The following FAM20C variants were observed in gnomAD, a reference collection of about 807,000 sequenced individuals.
The protein encoded by FAM20C is extracellular serine/threonine protein kinase FAM20C.
In FAM20C, 40 loss-of-function variants were observed where a neutral mutation model predicts 51.5. The observed-to-expected ratio is 0.78, with a 90% CI of 0.60 to 1.01. FAM20C has a LOEUF of 1.01. Ranked by LOEUF, FAM20C falls within the 50% of genes least tolerant of loss-of-function variation. The probability of loss-of-function intolerance (pLI) is 0.00; values close to 1 mark genes in which losing one functional copy is unlikely to be tolerated. For synonymous variants in FAM20C, 406 were observed against 380.6 expected, an observed-to-expected ratio of 1.07 and a Z score of -0.78; for missense variants, 861 against 844.7, an observed-to-expected ratio of 1.02 and a Z score of -0.24.
intron 8 of FAM20C, among the ~76,000 whole-genome samples, chr7:258,107 CG>C (rs1276869656): frequency 3.5e-5 from 4 of 115,320 alleles, no homozygotes; most frequent in Non-Finnish European, 3.7e-5. Flanking sequence ...ACCCACTGCC[CG>C]GGGTGTTGGA....
At chr7:249,338 G>A (rs1478066127) in intron 5 of FAM20C, among the ~76,000 whole-genome samples, 1 of 152,264 alleles carries the variant, frequency 6.6e-6, no homozygotes, top group African/African-American at 2.4e-5. Context: ...AGGAATAGAT[G>A]TCTTTGTTGG....
At chr7:229,247 T>C (rs1468687566) in intron 3 of FAM20C, 1 of 236,342 alleles carries the variant, frequency 4.2e-6, no homozygotes, top group African/African-American at 2.2e-5. Context: ...CAGCCCCCTT[T>C]TCTGTGAGGA....
chr7:201,418 T>C (rs1472738683), intron 2 of FAM20C, among the ~76,000 whole-genome samples: 1 of 152,188 alleles, frequency 6.6e-6, no homozygotes, highest in Non-Finnish European at 1.5e-5. Flanking sequence ...AAAGGGTTCC[T>C]GCTCCCACGA....
intron 3 of FAM20C, among the ~76,000 whole-genome samples, chr7:244,080 G>C (rs1430170697): frequency 1.3e-5 from 2 of 151,930 alleles, no homozygotes; most frequent in Admixed American, 6.6e-5. Context: ...GATCACAGGT[G>C]TGTGCCACCA....
intron 2 of FAM20C, among the ~76,000 whole-genome samples, chr7:199,756 T>G (rs1786044132): frequency 6.6e-6 from 1 of 152,214 alleles, no homozygotes. Context: ...TCTTGGGATA[T>G]TATCTACCTC....
Position 193,290 on chromosome 7 carries a change from C to T in FAM20C, c.91C>T (p.Pro31Ser), listed in dbSNP as rs1297675158. 8 of 1,427,136 alleles carry T rather than the reference C, an allele frequency of 5.6e-6. No individual in the cohort carries two copies. Among genetic ancestry groups the T allele is most frequent in the Non-Finnish European group, 7.4e-6 (8 of 1,084,860 alleles). 88.4% of individuals were successfully genotyped at this position (1,427,136 alleles called of 1,614,324 possible). ...GCTGCACATCGCCCTGGACCTGCTGCCCAGGCTGGAGCGACGCGGCGCGCG... is the reference window on the plus strand; with the variant it reads ...GCTGCACATCGCCCTGGACCTGCTGTCCAGGCTGGAGCGACGCGGCGCGCG... ...CALHIALDLL[P>S]RLERRGARPS... The change falls in exon 1 of 10, where the codon CCC becomes TCC. Residue 31 changes from proline to serine, a missense_variant. Coordinates refer to ENST00000313766, the MANE Select transcript of FAM20C (RefSeq NM_020223.4).
intron 3 of FAM20C, among the ~76,000 whole-genome samples, chr7:235,458 A>AC (rs1276159262): frequency 1.3e-5 from 2 of 151,670 alleles, no homozygotes; most frequent in Non-Finnish European, 2.9e-5. Flanking sequence ...ACCTCCCCCA[A>AC]CCCCCGGGCA....
chr7:217,900 G>A (rs1304136577), intron 3 of FAM20C, among the ~76,000 whole-genome samples: 1 of 152,146 alleles, frequency 6.6e-6, no homozygotes, highest in Non-Finnish European at 1.5e-5. Context: ...CGTTGGCTGG[G>A]AGAGGAGGTG....
chr7:204,095 C>T (rs1272214131), intron 2 of FAM20C, among the ~76,000 whole-genome samples: 1 of 152,232 alleles, frequency 6.6e-6, no homozygotes, highest in African/African-American at 2.4e-5. Flanking sequence ...GCTTCAGGCG[C>T]CCATCCGTGC....
chr7:193,941 C>A, intron 1 of FAM20C, 137 bp downstream of exon 1: 1 of 1,292,004 alleles, frequency 7.7e-7, no homozygotes, highest in Non-Finnish European at 1.0e-6. Context: ...AGGAGGCAGC[C>A]GCCTACCTCA....
At chr7:255,026 G>A (rs767208349) in intron 5 of FAM20C, among the ~76,000 whole-genome samples, 7 of 152,100 alleles carry the variant, frequency 4.6e-5, no homozygotes, top group East Asian at 1.9e-4. Flanking sequence ...TCTCTTTTTC[G>A]GCTGTGGTGA....
chr7:253,696 G>C (rs570932302), intron 5 of FAM20C, among the ~76,000 whole-genome samples: 1 of 135,812 alleles, frequency 7.4e-6, no homozygotes, highest in African/African-American at 2.8e-5. Flanking sequence ...GGAGGCACTT[G>C]CCTGAGGTCA....
In FAM20C at chr7:260,646, C is replaced by T. The variant is rs1343836627; in HGVS notation, c.*666C>T. 3 of 152,442 alleles carry T rather than the reference C, an allele frequency of 2.0e-5. No homozygotes were observed. The highest frequency in any genetic ancestry group is 4.4e-5 in the Non-Finnish European group (3 of 68,084). 9.4% of individuals were successfully genotyped at this position (152,442 alleles called of 1,614,324 possible). ...CTGTGGACGGTTGGTGCAAGTGCAT[C>T]CTGCAGGGCTGGCTGTGCGCAGCTG... On this transcript the variant is annotated 3_prime_UTR_variant, in exon 10 of 10. Coordinates refer to ENST00000313766, the MANE Select transcript of FAM20C (RefSeq NM_020223.4).
chr7:193,485 T>C lies in FAM20C; in HGVS notation c.286T>C (p.Ser96Pro). The C allele has an allele frequency of 6.7e-7, 1 of 1,501,694 alleles. No homozygotes were observed. The highest frequency in any genetic ancestry group is 1.2e-5 in the South Asian group (1 of 80,070). 93.0% of individuals were successfully genotyped at this position (1,501,694 alleles called of 1,614,324 possible). A position where few individuals can be genotyped will look rare whatever the true frequency, so the allele number is the denominator to read the frequency against. The change falls in exon 1 of 10, where the codon TCC becomes CCC. Residue 96 changes from serine (S) to proline (P), a missense_variant. Ser to Pro is a moderately conservative substitution (Grantham distance 74). This residue lies in a region of FAM20C where 561 missense variants were observed against 499.8 expected (regional missense o/e 1.12). Transcript: ENST00000313766. ...HTLRILQDFS[S>P]DPSSNLSSHS... is the part of the protein sequence containing the mutation. ...GCTCCGCATCCTGCAGGACTTCAGC[T>C]CCGACCCCTCCTCCAACCTCTCGTC...
chr7:245,606 A>G (rs186858621), intron 3 of FAM20C, among the ~76,000 whole-genome samples: 10 of 152,266 alleles, frequency 6.6e-5, no homozygotes, highest in East Asian at 3.9e-4. Flanking sequence ...ACACGCTTAC[A>G]CGCTTACGCG....
At chr7:200,311 A>G (rs1021797470) in intron 2 of FAM20C, among the ~76,000 whole-genome samples, 3 of 141,964 alleles carry the variant, frequency 2.1e-5, no homozygotes, top group Non-Finnish European at 4.6e-5. Flanking sequence ...GAAGATGCCC[A>G]ATTAGCTGGA....
intron 4 of FAM20C, among the ~76,000 whole-genome samples, chr7:247,841 C>G (rs924406297): frequency 6.6e-6 from 1 of 152,210 alleles, no homozygotes; most frequent in African/African-American, 2.4e-5. Context: ...TCGGCCCTGG[C>G]AGACGGCCCA....
At chr7:227,197 T>C (rs1787481098) in intron 3 of FAM20C, among the ~76,000 whole-genome samples, 1 of 151,990 alleles carries the variant, frequency 6.6e-6, no homozygotes, top group African/African-American at 2.4e-5. Context: ...GTTATGACGG[T>C]CGCCGGGGTG....
chr7:211,179 C>CCCAACCTCGTCCAGCCTCCT (rs1786691991), intron 3 of FAM20C, among the ~76,000 whole-genome samples: 2 of 148,018 alleles, frequency 1.4e-5, no homozygotes, highest in African/African-American at 2.5e-5. Flanking sequence ...GCCAACCTCC[C>CCCAACCTCGTCCAGCCTCCT]CCAACCTCCC....
Sources: gnomAD v4.1 joint callset for allele counts (sites outside exome capture counted in the v4.1 genomes callset) on GRCh38, gnomAD v4.1.1 for gene constraint, gnomAD v4.1.1 regional missense constraint, MANE v1.5 for transcripts, NCBI Gene and HGNC (gene_info 2026-07-23, HGNC 2026-07-21) for gene names.